The following RMP64 variants were observed in gnomAD, a reference collection of about 807,000 sequenced individuals.
RMP64 encodes ribonuclease MRP subunit p64, also known as nucleolus and neural progenitor protein.
chr3:113,015,942 T>C, the RMP64 span, among the ~76,000 whole-genome samples: 2 of 151,416 alleles, frequency 1.3e-5, no homozygotes, highest in African/African-American at 4.9e-5. Flanking sequence ...AGATTATCAC[T>C]GCCAGAAAGG....
the RMP64 span, chr3:113,010,506 G>T: frequency 1.5e-6 from 1 of 662,314 alleles, no homozygotes; most frequent in Non-Finnish European, 2.6e-6. Context: ...TCATTCAGAA[G>T]CACACACTGA....
At chr3:113,013,582 C>T in the RMP64 span, among the ~76,000 whole-genome samples, 5 of 151,604 alleles carry the variant, frequency 3.3e-5, no homozygotes, top group Non-Finnish European at 4.4e-5. Context: ...CCTCCCTGGG[C>T]GACCCTTCAC....
the RMP64 span, chr3:113,019,231 A>G: frequency 4.8e-6 from 2 of 412,688 alleles, no homozygotes. Flanking sequence ...GTTCCCAGGC[A>G]GCACTGTTCC....
the RMP64 span, among the ~76,000 whole-genome samples, chr3:113,009,824 C>T: frequency 6.6e-6 from 1 of 152,076 alleles, no homozygotes; most frequent in Non-Finnish European, 1.5e-5. Context: ...AAGTATTACT[C>T]CTCACTCTGA....
the RMP64 span, chr3:113,013,366 G>A: frequency 6.2e-7 from 1 of 1,612,926 alleles, no homozygotes; most frequent in Non-Finnish European, 8.5e-7. Context: ...GGCTGACTGG[G>A]GACAACACAT....
chr3:113,004,342 A>T, the RMP64 span: 1 of 152,204 alleles, frequency 6.6e-6, no homozygotes, highest in Non-Finnish European at 1.5e-5. Flanking sequence ...GCTAATCTGC[A>T]TCTTTTAGCA....
the RMP64 span, chr3:113,011,546 T>G: frequency 1.6e-6 from 1 of 633,630 alleles, no homozygotes; most frequent in Non-Finnish European, 2.6e-6. Context: ...AGTGCACACT[T>G]GCGAACAGCC....
At chr3:113,013,310 C>A in the RMP64 span, 1 of 1,614,014 alleles carries the variant, frequency 6.2e-7, no homozygotes, top group Non-Finnish European at 8.5e-7. Flanking sequence ...AGCGGAGCAA[C>A]AACTTGCAGG....
At chr3:113,017,564 C>T in the RMP64 span, 15,314 of 1,613,972 alleles carry the variant, frequency 9.5e-3, 151 homozygotes, top group South Asian at 0.031. Context: ...GACAGTATGA[C>T]GAGATGGCAT....
the RMP64 span, among the ~76,000 whole-genome samples, chr3:113,015,859 T>A: frequency 0.023 from 2,503 of 107,516 alleles, 74 homozygotes; most frequent in African/African-American, 0.079. Context: ...GCCAAGAATT[T>A]AAAAAAAAAA....
At chr3:113,011,674 A>G in the RMP64 span, 2 of 276,394 alleles carry the variant, frequency 7.2e-6, no homozygotes. Flanking sequence ...GAAATGTACA[A>G]AAGGATGCAT....
chr3:113,018,664 C>T, the RMP64 span, among the ~76,000 whole-genome samples: 6 of 152,186 alleles, frequency 3.9e-5, no homozygotes, highest in Non-Finnish European at 7.3e-5. Flanking sequence ...TGACTGTATT[C>T]TCTCCCTTGG....
At chr3:113,018,755 T>C in the RMP64 span, among the ~76,000 whole-genome samples, 1 of 152,196 alleles carries the variant, frequency 6.6e-6, no homozygotes, top group South Asian at 2.1e-4. Flanking sequence ...TTCCAAATGC[T>C]TTCTCTACAT....
At chr3:113,010,108 A>C in the RMP64 span, among the ~76,000 whole-genome samples, 1 of 152,230 alleles carries the variant, frequency 6.6e-6, no homozygotes, top group Non-Finnish European at 1.5e-5. Flanking sequence ...GTAAAGGAAT[A>C]GCTTCATGAC....
At chr3:113,017,953 T>C in the RMP64 span, among the ~76,000 whole-genome samples, 2 of 152,328 alleles carry the variant, frequency 1.3e-5, no homozygotes, top group East Asian at 3.9e-4. Context: ...ACCTTGAAGG[T>C]AGGGCACATG....
At chr3:113,011,880 TTAAGAA>T in the RMP64 span, among the ~76,000 whole-genome samples, 13 of 152,350 alleles carry the variant, frequency 8.5e-5, no homozygotes, top group Admixed American at 2.6e-4. Flanking sequence ...TTACCTCTGA[TTAAGAA>T]TAAGTAGAAT....
the RMP64 span, chr3:113,002,702 C>CT: frequency 6.4e-6 from 1 of 155,184 alleles, no homozygotes; most frequent in Middle Eastern, 3.3e-3. Context: ...AAGTAGAAAT[C>CT]TTAGAGGGCA....
chr3:113,008,238 C>T, the RMP64 span: 234 of 1,613,992 alleles, frequency 1.4e-4, 1 homozygote, highest in Non-Finnish European at 3.0e-5. Flanking sequence ...AGAAAAATGG[C>T]CTGAGCCTTG....
At chr3:113,005,726 T>G in the RMP64 span, 1 of 1,614,128 alleles carries the variant, frequency 6.2e-7, no homozygotes, top group Non-Finnish European at 8.5e-7. Context: ...ATTCAAGAGC[T>G]GCTTACTGTT....
Sources: gnomAD v4.1 joint callset for allele counts (sites outside exome capture counted in the v4.1 genomes callset) on GRCh38, gnomAD v4.1.1 for gene constraint, MANE v1.5 for transcripts, NCBI Gene and HGNC (gene_info 2026-07-23, HGNC 2026-07-21) for gene names.